MMS19: variants seen among roughly 807,000 people sequenced by gnomAD.
MMS19 encodes MMS19 nucleotide excision repair protein homolog.
In MMS19, 77 loss-of-function variants were observed where a neutral mutation model predicts 129.8. The ratio of observed to expected loss-of-function variants is 0.59; its 90% confidence interval spans 0.49 to 0.72. The LOEUF is 0.72. MMS19 is among the 30% of genes least tolerant of loss of function. The pLI is 0.00. For missense variants in MMS19, 1,168 were observed against 1,266.3 expected (o/e 0.92, Z 1.18); for synonymous variants, 491 against 502.8 (o/e 0.98, Z 0.31).
At chr10:97,496,186 T>C (rs181582970) in intron 1 of MMS19, among the ~76,000 whole-genome samples, 6 of 152,312 alleles carry the variant, frequency 3.9e-5, no homozygotes, top group East Asian at 3.8e-4. Flanking sequence ...CCATTTTTTT[T>C]CAGAAAGAAA....
upstream of MMS19, chr10:97,498,480 A>AG: frequency 6.6e-7 from 1 of 1,508,312 alleles, no homozygotes; most frequent in Non-Finnish European, 8.9e-7. Flanking sequence ...GGGAAGCGCA[A>AG]GGGGGCGGGG....
intron 3 of MMS19, among the ~76,000 whole-genome samples, chr10:97,479,023 G>A (rs1004346499): frequency 6.6e-6 from 1 of 152,146 alleles, no homozygotes; most frequent in Non-Finnish European, 1.5e-5. Flanking sequence ...AGGCCACCCT[G>A]AGCAACACAG....
chr10:97,498,547 C>T (rs1207253593), upstream of MMS19: 47 of 914,918 alleles, frequency 5.1e-5, 1 homozygote, highest in Admixed American at 5.2e-4. Flanking sequence ...AGGGGCGGGG[C>T]CTGAAATGGG....
chr10:97,494,509 G>T (rs1351335545), intron 1 of MMS19, among the ~76,000 whole-genome samples: 1 of 152,168 alleles, frequency 6.6e-6, no homozygotes, highest in Non-Finnish European at 1.5e-5. Flanking sequence ...CCTTTCTGCT[G>T]ATAATGCCTC....
In MMS19 at chr10:97,487,024, T is replaced by G. The variant is rs79778737; in HGVS notation, c.113-2873A>C. Among the ~76,000 whole-genome samples, 178 of 150,664 alleles carry G rather than the reference T, an allele frequency of 1.2e-3. 3 individuals carry two copies. In the East Asian group the frequency reaches 0.03, roughly 26 times the overall value. Reference sequence around the variant, plus strand: ...ACACTTTCAACAAAAAAAAGAAAAATAAAAAGTATACACTTTTGAATATAC... The same window carrying G: ...ACACTTTCAACAAAAAAAAGAAAAAGAAAAAGTATACACTTTTGAATATAC... On this transcript the variant is annotated intron_variant, in intron 1 of 30. Coordinates refer to ENST00000438925, the MANE Select transcript of MMS19 (RefSeq NM_022362.5).
At chr10:97,484,038 A>G (rs1487156238) in intron 2 of MMS19, 65 bp downstream of exon 2, 17 of 1,145,682 alleles carry the variant, frequency 1.5e-5, no homozygotes, top group African/African-American at 4.7e-5. Flanking sequence ...AGCAATGCGC[A>G]AAAGTAACTT....
chr10:97,497,282 T>A (rs1349360881), intron 1 of MMS19, among the ~76,000 whole-genome samples: 1 of 152,238 alleles, frequency 6.6e-6, no homozygotes, highest in African/African-American at 2.4e-5. Context: ...AGTGGCATGA[T>A]TGAATTAAAG....
chr10:97,467,442 C>T, intron 14 of MMS19, 63 bp downstream of exon 14: 1 of 1,306,110 alleles, frequency 7.7e-7, no homozygotes, highest in Non-Finnish European at 1.1e-6. Context: ...CTTTGCCCTG[C>T]TATCCTTTAT....
chr10:97,466,692 G>T, intron 15 of MMS19, 84 bp downstream of exon 15: 1 of 1,598,488 alleles, frequency 6.3e-7, no homozygotes, highest in Non-Finnish European at 8.6e-7. Context: ...GCAGTAAGAA[G>T]AGGATAGTAA....
Position 97,477,535 on chromosome 10 carries a change from A to T in MMS19, c.424-119T>A, listed in dbSNP as rs182242302. 50 of 1,352,920 alleles carry T rather than the reference A, an allele frequency of 3.7e-5. No homozygotes were observed. The Middle Eastern group carries it at 2.1e-3, about 56-fold the overall frequency. 83.8% of individuals were successfully genotyped at this position (1,352,920 alleles called of 1,614,324 possible). ...TGCTCTTTATACCAGCATAAGATCA[A>T]TCTAAGAGAAACTACAGAGAAAGGG... On this transcript the variant is annotated intron_variant, in intron 5 of 30. Coordinates refer to ENST00000438925, the MANE Select transcript of MMS19 (RefSeq NM_022362.5).
intron 2 of MMS19, among the ~76,000 whole-genome samples, chr10:97,482,132 C>T (rs1343099916): frequency 6.6e-6 from 1 of 152,116 alleles, no homozygotes; most frequent in Non-Finnish European, 1.5e-5. Flanking sequence ...GCCATGATCG[C>T]TCCACTGCAC....
chr10:97,475,500 G>A (rs1279684354), intron 8 of MMS19, among the ~76,000 whole-genome samples: 1 of 152,216 alleles, frequency 6.6e-6, no homozygotes, highest in African/African-American at 2.4e-5. Flanking sequence ...ACTTTGGGAG[G>A]CCGAGGCAGT....
chr10:97,488,044 G>A (rs549311933), intron 1 of MMS19, among the ~76,000 whole-genome samples: 3 of 152,180 alleles, frequency 2.0e-5, no homozygotes, highest in African/African-American at 4.8e-5. Context: ...AGCCGAGATC[G>A]TGCCACTGCA....
At position 97,476,888 on chromosome 10, in the gene MMS19, A is replaced by G; in HGVS notation, c.569T>C (p.Leu190Pro). Residue 190 changes from leucine (L) to proline (P), a missense_variant, in exon 7 of 31, where the codon CTT becomes CCT. By Grantham distance (98) the Leu-to-Pro change is moderately conservative (BLOSUM62 -3). Around this residue, in one of 3 missense-constraint regions of MMS19, gnomAD observed 329 missense variants for 328.6 expected, o/e 1.00. Transcript: ENST00000438925. ...ATGGACGATGCGGAAGGCCACCAGA[A>G]GATTACGGGGATCCTTTTCCCCATC... The part of the protein sequence containing the change: ...VMDGEKDPRN[L>P]LVAFRIVHDL... 1 of 1,614,008 alleles carries G rather than the reference A, an allele frequency of 6.2e-7. No homozygotes were observed. Among genetic ancestry groups the G allele is most frequent in the Non-Finnish European group, 8.5e-7 (1 of 1,179,896 alleles).
At chr10:97,485,174 G>C (rs2037596110) in intron 1 of MMS19, among the ~76,000 whole-genome samples, 1 of 152,106 alleles carries the variant, frequency 6.6e-6, no homozygotes, top group African/African-American at 2.4e-5. Context: ...TGTCACCCAG[G>C]CTAGAGTGCA....
intron 27 of MMS19, 65 bp from the exon 28 acceptor site, chr10:97,459,591 C>T: frequency 1.9e-6 from 3 of 1,599,432 alleles, no homozygotes; most frequent in Non-Finnish European, 8.5e-7. Context: ...TGTTCCCTCC[C>T]CTTTCTAGCC....
intron 11 of MMS19, 106 bp from the exon 12 acceptor site, chr10:97,469,210 G>T: frequency 7.2e-7 from 1 of 1,381,714 alleles, no homozygotes; most frequent in Non-Finnish European, 9.6e-7. Context: ...GAACCTCTAG[G>T]ACACAGAAAT....
chr10:97,495,438 T>C (rs971555158), intron 1 of MMS19, among the ~76,000 whole-genome samples: 2 of 152,224 alleles, frequency 1.3e-5, no homozygotes, highest in African/African-American at 2.4e-5. Flanking sequence ...TGCAGGCTGC[T>C]ACTCTGAGTG....
chr10:97,481,845 T>C (rs952143714), intron 2 of MMS19, among the ~76,000 whole-genome samples: 5 of 152,144 alleles, frequency 3.3e-5, no homozygotes, highest in African/African-American at 9.7e-5. Context: ...ATCCCCAGGA[T>C]AAAAACCTGT....
Sources: gnomAD v4.1 joint callset for allele counts (sites outside exome capture counted in the v4.1 genomes callset) on GRCh38, gnomAD v4.1.1 for gene constraint, gnomAD v4.1.1 regional missense constraint, MANE v1.5 for transcripts, NCBI Gene and HGNC (gene_info 2026-07-23, HGNC 2026-07-21) for gene names.